ARMCX4: variants seen among roughly 807,000 people sequenced by gnomAD.
ARMCX4 encodes armadillo repeat-containing X-linked protein 4.
A neutral mutation model predicts 34.7 loss-of-function variants in ARMCX4; 3 were observed. The ratio of observed to expected loss-of-function variants is 0.09; its 90% confidence interval spans 0.04 to 0.22. The LOEUF (loss-of-function observed/expected upper bound fraction) is 0.22, where lower values mean the gene tolerates loss of function less well. ARMCX4 is among the 10% of genes least tolerant of loss of function. The pLI is 1.00. For missense variants in ARMCX4, 1,448 were observed against 1,720.8 expected (o/e 0.84, Z 2.81); for synonymous variants, 513 against 632.8 (o/e 0.81, Z 2.84).
chrX:101,515,453 T>C (rs868961282), intron 11 of ARMCX4, among the ~76,000 whole-genome samples: 3 of 50,436 alleles, frequency 5.9e-5, no homozygotes, highest in Non-Finnish European at 1.1e-4. Context: ...CTTCCTTCCT[T>C]CCTTCCTTCC....
At chrX:101,525,491 G>C (rs1236118674) in intron 11 of ARMCX4, among the ~76,000 whole-genome samples, 1 of 111,543 alleles carries the variant, frequency 9.0e-6, no homozygotes, top group East Asian at 2.8e-4. Flanking sequence ...ACAAAAGTAG[G>C]CTTCAGAAGA....
At chrX:101,506,867 C>T (rs1006025722) in intron 8 of ARMCX4, among the ~76,000 whole-genome samples, 2 of 111,621 alleles carry the variant, frequency 1.8e-5, no homozygotes, top group Admixed American at 9.6e-5. Context: ...TCCTTCCCCA[C>T]CCCAGATTTC....
Position 101,491,675 on chromosome X carries a change from A to G in ARMCX4, c.3086A>G (p.Gln1029Arg). The change falls in exon 6 of 6, where the codon CAG (glutamine) becomes CGG (arginine). Residue 1029 changes from glutamine (Q) to arginine (R), a missense_variant. Physicochemically the swap from Gln to Arg is conservative, Grantham distance 43. This residue lies in a region of ARMCX4 where 1,343 missense variants were observed against 1,540.7 expected (regional missense o/e 0.87). Transcript: ENST00000423738. ...GGGGCAGGCACAAGGCACTCTGCCC[A>G]GCCTCAGATTGTGGCCGGTTCCCAG... is the stretch of plus-strand genomic sequence containing the variant. ...GTGAGTRHSAQPQIVAGSQGE... is the reference protein window; with the variant it reads ...GTGAGTRHSARPQIVAGSQGE... The G allele has an allele frequency of 8.6e-7, 1 of 1,156,700 alleles. No homozygotes were observed. The highest frequency in any genetic ancestry group is 1.1e-6 in the Non-Finnish European group (1 of 873,038).
chrX:101,473,682 A>C (rs1164019082), intron 4 of ARMCX4, among the ~76,000 whole-genome samples: 1 of 103,908 alleles, frequency 9.6e-6, no homozygotes, highest in Non-Finnish European at 2.0e-5. Flanking sequence ...CTACATGGAA[A>C]CTGAACAACC....
intron 4 of ARMCX4, among the ~76,000 whole-genome samples, chrX:101,470,240 C>T (rs569201812): frequency 3.6e-5 from 4 of 112,067 alleles, no homozygotes; most frequent in South Asian, 7.6e-4. Flanking sequence ...TTTGTTTTTA[C>T]GTTTCACGTA....
At chrX:101,500,461 T>C (rs1217180723), downstream of ARMCX4, among the ~76,000 whole-genome samples, 1 of 111,181 alleles carries the variant, frequency 9.0e-6, no homozygotes, top group Non-Finnish European at 1.9e-5. Context: ...CAGAAATTAT[T>C]GCCGCCTTTG....
At chrX:101,501,804 G>C (rs182753074) in intron 7 of ARMCX4, among the ~76,000 whole-genome samples, 69 of 112,158 alleles carry the variant, frequency 6.2e-4, no homozygotes, top group African/African-American at 2.2e-3. Context: ...TTAATAATGA[G>C]CAGTGAGGAC....
chrX:101,506,531 A>G (rs1232867745), intron 8 of ARMCX4, among the ~76,000 whole-genome samples: 1 of 110,308 alleles, frequency 9.1e-6, no homozygotes, highest in Non-Finnish European at 1.9e-5. Context: ...GAGAGAGAGA[A>G]AGAGAGAGAG....
intron 2 of ARMCX4, among the ~76,000 whole-genome samples, chrX:101,440,606 C>G (rs1452914679): frequency 8.9e-6 from 1 of 111,752 alleles, no homozygotes; most frequent in Non-Finnish European, 1.9e-5. Context: ...CCTCCTTGAA[C>G]TTTGGTGGGC....
At chrX:101,462,747 G>T (rs1329136768) in intron 4 of ARMCX4, among the ~76,000 whole-genome samples, 1 of 111,298 alleles carries the variant, frequency 9.0e-6, no homozygotes, top group East Asian at 2.8e-4. Context: ...CAGTATACTG[G>T]TTTCTTGGGA....
In ARMCX4 at chrX:101,479,730, C is replaced by G. The variant is rs190198148; in HGVS notation, c.-472-6293C>G. On this transcript the variant is annotated intron_variant and NMD_transcript_variant, in intron 4 of 15. Transcript: ENST00000433011. ...TCCTGACCTCAAGTGATCCACCTGC[C>G]GTGACCTCCTAAAGTGCTGGGATTA... 3.7e-3 allele frequency among the ~76,000 whole-genome samples: 408 copies of G among 110,588 alleles called. 1 individual carries two copies. The highest frequency in any genetic ancestry group is 5.1e-3 in the Non-Finnish European group (269 of 52,922).
chrX:101,454,700 G>A (rs1248374823), intron 4 of ARMCX4, among the ~76,000 whole-genome samples: 1 of 111,149 alleles, frequency 9.0e-6, no homozygotes, highest in Middle Eastern at 4.2e-3. Context: ...ACACCATTGA[G>A]GTAGTGAATC....
intron 2 of ARMCX4, among the ~76,000 whole-genome samples, chrX:101,421,902 A>G (rs781807841): frequency 2.2e-4 from 24 of 110,312 alleles, no homozygotes; most frequent in Admixed American, 1.7e-3. Flanking sequence ...GTTGAAATGA[A>G]GAAAGAGTAA....
intron 11 of ARMCX4, among the ~76,000 whole-genome samples, chrX:101,530,675 T>C (rs1819097972): frequency 1.8e-5 from 2 of 111,569 alleles, no homozygotes; most frequent in African/African-American, 6.5e-5. Context: ...TGCCAACCCA[T>C]AAATCTATGT....
At position 101,493,877 on chromosome X, in the gene ARMCX4, A is replaced by G. The variant is rs1206401793; in HGVS notation, c.5288A>G (p.Asp1763Gly). 4 of 1,148,000 alleles carry G rather than the reference A, an allele frequency of 3.5e-6. No homozygotes were observed. Among genetic ancestry groups the G allele is most frequent in the Non-Finnish European group, 4.6e-6 (4 of 870,775 alleles). 94.6% of individuals were successfully genotyped at this position (1,148,000 alleles called of 1,213,427 possible). The change falls in exon 6 of 6, where the codon GAT (aspartate) becomes GGT (glycine). Residue 1763 changes from aspartate to glycine, a missense_variant. Asp to Gly is a moderately conservative substitution (Grantham distance 94). Around this residue, in one of 2 missense-constraint regions of ARMCX4, gnomAD observed 1,343 missense variants for 1,540.7 expected, o/e 0.87. Coordinates refer to ENST00000423738, the MANE Select transcript of ARMCX4 (RefSeq NM_001256155.3). ...ATTGTGTCCAGGCCTGATGATAAAG[A>G]TGAGGCCACTACTGCATCCAGATCA... ...ADIVSRPDDKDEATTASRSGA... is the reference protein window; with the variant it reads ...ADIVSRPDDKGEATTASRSGA...
intron 2 of ARMCX4, among the ~76,000 whole-genome samples, chrX:101,421,991 GTTATTATTATTATTATTA>G (rs200537627): frequency 1.0e-5 from 1 of 96,398 alleles, no homozygotes; most frequent in African/African-American, 4.2e-5. Flanking sequence ...TGGGGGATCA[GTTATTATTATTATTATTA>G]TTATTATTAT....
At chrX:101,437,536 T>C (rs1159513134) in intron 2 of ARMCX4, among the ~76,000 whole-genome samples, 2 of 111,892 alleles carry the variant, frequency 1.8e-5, no homozygotes, top group Non-Finnish European at 3.8e-5. Flanking sequence ...TCTTCTCTCT[T>C]TTTTTCTTTA....
At chrX:101,435,100 G>A (rs1376945299) in intron 2 of ARMCX4, among the ~76,000 whole-genome samples, 7 of 111,425 alleles carry the variant, frequency 6.3e-5, no homozygotes, top group Admixed American at 1.9e-4. Flanking sequence ...GTAAACATAC[G>A]TGTGCATGTG....
In ARMCX4 at chrX:101,493,768, G is replaced by A. The variant is rs1556010522; in HGVS notation, c.5179G>A (p.Val1727Met). Residue 1727 changes from valine to methionine, a missense_variant, in exon 6 of 6, where the codon GTG becomes ATG. Val to Met is a conservative substitution (Grantham distance 21). Coordinates refer to ENST00000423738, the MANE Select transcript of ARMCX4 (RefSeq NM_001256155.3). ...TGGAAGGTTCCAGGTCAGTTTTGAGGTGGAGGCCAATGAAGGATTCTGGTT... is the reference window on the plus strand; with the variant it reads ...TGGAAGGTTCCAGGTCAGTTTTGAGATGGAGGCCAATGAAGGATTCTGGTT... ...ASGRFQVSFE[V>M]EANEGFWFGP... The A allele has an allele frequency of 1.7e-6, 2 of 1,154,375 alleles. No individual in the cohort carries two copies. The highest frequency in any genetic ancestry group is 1.1e-6 in the Non-Finnish European group (1 of 872,513).
Sources: allele counts gnomAD v4.1 joint callset (sites outside exome capture counted in the v4.1 genomes callset), GRCh38; gene constraint gnomAD v4.1.1; regional missense constraint gnomAD v4.1.1; transcripts MANE v1.5; gene names NCBI Gene and HGNC (gene_info 2026-07-23, HGNC 2026-07-21).